Variants in PCDHGB6 observed in about 807,000 individuals in gnomAD.
PCDHGB6 encodes protocadherin gamma-B6.
In PCDHGB6, 51 loss-of-function variants were observed where a neutral mutation model predicts 59.1. That is an observed-to-expected ratio of 0.86 (90% CI 0.69 to 1.09). PCDHGB6 has a LOEUF of 1.09. PCDHGB6 is among the 50% of genes least tolerant of loss of function. The probability of loss-of-function intolerance (pLI) is 0.00; values close to 1 mark genes in which losing one functional copy is unlikely to be tolerated. For missense variants in PCDHGB6, 1,148 were observed against 1,205.1 expected (o/e 0.95, Z 0.70); for synonymous variants, 466 against 495.1 (o/e 0.94, Z 0.78).
At chr5:141,468,758 C>G (rs929005462) in intron 1 of PCDHGB6, among the ~76,000 whole-genome samples, 1 of 151,802 alleles carries the variant, frequency 6.6e-6, no homozygotes, top group Admixed American at 6.6e-5. Context: ...CCCAGCTACT[C>G]GGGAGGCTGA....
At position 141,489,135 on chromosome 5, in the gene PCDHGB6, G is replaced by T; in HGVS notation, c.2419-5672G>T. The T allele has an allele frequency of 1.4e-6, 1 of 725,448 alleles. No individual in the cohort carries two copies. The highest frequency in any genetic ancestry group is 2.1e-6 in the Non-Finnish European group (1 of 470,770). 44.9% of individuals were successfully genotyped at this position (725,448 alleles called of 1,614,324 possible). ...GCAAACCTCCGAGCAGTTTTTAAGA[G>T]GCTGGAAGGAGACATAAGAGACTTC... On this transcript the variant is annotated intron_variant, in intron 1 of 3. Coordinates refer to ENST00000520790, the MANE Select transcript of PCDHGB6 (RefSeq NM_018926.3). The surrounding 1 kb of genome is among the most constrained non-coding windows in gnomAD (Gnocchi z 4.5).
Position 141,487,007 on chromosome 5 carries a change from G to A in PCDHGB6, c.2419-7800G>A, listed in dbSNP as rs563548715. The A allele has an allele frequency of 3.1e-6, 5 of 1,614,206 alleles. No homozygotes were observed. In the South Asian group the frequency reaches 5.5e-5, roughly 18 times the overall value. ...TGCTTGGGTTTCCTATCAGCTCCTGGAGGCCCCAGATCCCAGCCTGTTTGC... is the reference window on the plus strand; with the variant it reads ...TGCTTGGGTTTCCTATCAGCTCCTGAAGGCCCCAGATCCCAGCCTGTTTGC... On this transcript the variant is annotated intron_variant, in intron 1 of 3. Transcript: ENST00000520790. This position sits in a 1 kb window ranked among gnomAD's most constrained non-coding sequence, Gnocchi z 5.0.
Position 141,491,306 on chromosome 5 carries a change from A to G in PCDHGB6, c.2419-3501A>G. ...CTCATACACCCTCCTGAGCGTTCAGACCTTACCCTTTACCTCATTGTGGCT... is the reference window on the plus strand; with the variant it reads ...CTCATACACCCTCCTGAGCGTTCAGGCCTTACCCTTTACCTCATTGTGGCT... On this transcript the variant is annotated intron_variant, in intron 1 of 3. Coordinates refer to ENST00000520790, the MANE Select transcript of PCDHGB6 (RefSeq NM_018926.3). This position sits in a 1 kb window ranked among gnomAD's most constrained non-coding sequence, Gnocchi z 6.9. 1 of 1,614,032 alleles carries G rather than the reference A, an allele frequency of 6.2e-7. No individual in the cohort carries two copies. The highest frequency in any genetic ancestry group is 2.2e-5 in the East Asian group (1 of 44,872).
chr5:141,503,616 A>G (rs1260134621), intron 2 of PCDHGB6, among the ~76,000 whole-genome samples: 2 of 150,944 alleles, frequency 1.3e-5, no homozygotes, highest in African/African-American at 2.4e-5. Context: ...AAAAAAAAAG[A>G]AAAAAGAAAA....
At chr5:141,471,654 G>A (rs1235665796) in intron 1 of PCDHGB6, 2 of 152,044 alleles carry the variant, frequency 1.3e-5, no homozygotes, top group South Asian at 2.1e-4. Flanking sequence ...CTGGATGTGG[G>A]GATGCAGAAA....
rs542248328 is a variant in PCDHGB6, at chr5:141,432,682, C to T, written c.2418+22062C>T. ...TGGACAGAGACGCGCTCAAGCAGAG[C>T]CTCGTAGTGGCCGTCCAGGACCACG... On this transcript the variant is annotated intron_variant, in intron 1 of 3. Coordinates refer to ENST00000520790, the MANE Select transcript of PCDHGB6 (RefSeq NM_018926.3). This position sits in a 1 kb window ranked among gnomAD's most constrained non-coding sequence, Gnocchi z 6.0. The T allele has an allele frequency of 6.5e-5, 105 of 1,613,976 alleles. No homozygotes were observed. In the African/African-American group the frequency reaches 1.1e-3, roughly 17 times the overall value.
At chr5:141,436,324 G>A (rs972756085) in intron 1 of PCDHGB6, among the ~76,000 whole-genome samples, 10 of 152,134 alleles carry the variant, frequency 6.6e-5, no homozygotes, top group African/African-American at 2.4e-4. Flanking sequence ...AAGACTGTTA[G>A]ACCATATCTC....
At chr5:141,464,327 C>G (rs893319708) in intron 1 of PCDHGB6, among the ~76,000 whole-genome samples, 15 of 150,890 alleles carry the variant, frequency 9.9e-5, no homozygotes, top group African/African-American at 3.7e-4. Flanking sequence ...TCTGTTCAAC[C>G]CATCTATGAC....
intron 1 of PCDHGB6, among the ~76,000 whole-genome samples, chr5:141,466,909 ACTC>A (rs1249720055): frequency 6.6e-6 from 1 of 151,110 alleles, no homozygotes; most frequent in Non-Finnish European, 1.5e-5. Flanking sequence ...GTTTTTGAAA[ACTC>A]CTTGTATTAG....
chr5:141,428,081 C>T (rs768842388), intron 1 of PCDHGB6: 2 of 1,609,218 alleles, frequency 1.2e-6, no homozygotes, highest in Non-Finnish European at 1.7e-6. Context: ...CGGGACACAA[C>T]GCTTGGCTGT....
chr5:141,489,846 T>C lies in PCDHGB6; in HGVS notation c.2419-4961T>C. The C allele has an allele frequency of 6.2e-7, 1 of 1,614,190 alleles. No individual in the cohort carries two copies. The highest frequency in any genetic ancestry group is 1.1e-5 in the South Asian group (1 of 91,088). ...TGGTGCTAGAGCAGCAGCTGGATCG[T>C]GAAGCCCAGGCAAGACATCAGCTGG... is the stretch of plus-strand genomic sequence containing the variant. On this transcript the variant is annotated intron_variant, in intron 1 of 3. Coordinates refer to ENST00000520790, the MANE Select transcript of PCDHGB6 (RefSeq NM_018926.3). This position sits in a 1 kb window ranked among gnomAD's most constrained non-coding sequence, Gnocchi z 4.5.
intron 1 of PCDHGB6, among the ~76,000 whole-genome samples, chr5:141,473,858 C>T (rs569473917): frequency 6.6e-6 from 1 of 152,168 alleles, no homozygotes; most frequent in Non-Finnish European, 1.5e-5. Flanking sequence ...ATGAACCTCG[C>T]TATTGTGGAG....
Position 141,456,898 on chromosome 5 carries a change from G to A in PCDHGB6, c.2419-37909G>A, listed in dbSNP as rs1046778634. 3.9e-5 allele frequency among the ~76,000 whole-genome samples: 6 copies of A among 152,284 alleles called. No individual in the cohort carries two copies. The South Asian group carries it at 6.2e-4, about 16-fold the overall frequency. On this transcript the variant is annotated intron_variant, in intron 1 of 3. Transcript: ENST00000520790. ...GAATCGCTTGAACCCGGGAGGCAGA[G>A]GTTGCAGTGAGCCGAGATCGCACCA...
chr5:141,509,298 C>A (rs974744333), intron 3 of PCDHGB6, among the ~76,000 whole-genome samples: 1 of 152,180 alleles, frequency 6.6e-6, no homozygotes, highest in Non-Finnish European at 1.5e-5. Flanking sequence ...AGGGTGGAGG[C>A]AGAGGGAGGC....
intron 1 of PCDHGB6, among the ~76,000 whole-genome samples, chr5:141,463,224 G>C (rs1039535501): frequency 6.6e-6 from 1 of 151,958 alleles, no homozygotes; most frequent in Non-Finnish European, 1.5e-5. Context: ...AATATTCCTG[G>C]AGTTCTTTGT....
Position 141,477,553 on chromosome 5 carries a change from A to G in PCDHGB6, c.2419-17254A>G. ...TCCCCGGGGCTCCAATACTAAACCTAAGTGTCTGGGACCCCGACGCCCCGC... is the reference window on the plus strand; with the variant it reads ...TCCCCGGGGCTCCAATACTAAACCTGAGTGTCTGGGACCCCGACGCCCCGC... On this transcript the variant is annotated intron_variant, in intron 1 of 3. Transcript: ENST00000520790. This position sits in a 1 kb window ranked among gnomAD's most constrained non-coding sequence, Gnocchi z 4.9. 5 of 1,614,090 alleles carry G rather than the reference A, an allele frequency of 3.1e-6. No individual in the cohort carries two copies. The highest frequency in any genetic ancestry group is 4.2e-6 in the Non-Finnish European group (5 of 1,180,020).
At chr5:141,428,147 G>C (rs771536400) in intron 1 of PCDHGB6, 1 of 1,589,612 alleles carries the variant, frequency 6.3e-7, no homozygotes, top group Admixed American at 1.7e-5. Flanking sequence ...GGCTGCACAC[G>C]GGAACCTGCT....
intron 1 of PCDHGB6, chr5:141,441,396 C>T (rs2098244328): frequency 6.5e-6 from 1 of 154,724 alleles, no homozygotes; most frequent in Admixed American, 6.5e-5. Flanking sequence ...GGTATAACAT[C>T]AGCATCACTG....
rs1210429084 is a variant in PCDHGB6 at position 141,487,045 on chromosome 5, T to C, written c.2419-7762T>C. 2 of 1,614,088 alleles carry C rather than the reference T, an allele frequency of 1.2e-6. No individual in the cohort carries two copies. Among genetic ancestry groups the C allele is most frequent in the Non-Finnish European group, 1.7e-6 (2 of 1,180,036 alleles). On this transcript the variant is annotated intron_variant, in intron 1 of 3. Coordinates refer to ENST00000520790, the MANE Select transcript of PCDHGB6 (RefSeq NM_018926.3). This position sits in a 1 kb window ranked among gnomAD's most constrained non-coding sequence, Gnocchi z 5.0. ...CCAGCCTGTTTGCAGTCTCTCGATA[T>C]GCTGGGGAGGTGCGGACGGCTGTTC...
Sources: gnomAD v4.1 joint callset for allele counts (sites outside exome capture counted in the v4.1 genomes callset) on GRCh38, gnomAD v4.1.1 for gene constraint, Gnocchi (gnomAD v3.1) non-coding constraint, MANE v1.5 for transcripts, NCBI Gene and HGNC (gene_info 2026-07-23, HGNC 2026-07-21) for gene names.